The following TUSC3 variants were observed in gnomAD, a reference collection of about 807,000 sequenced individuals.
TUSC3 encodes dolichyl-diphosphooligosaccharide--protein glycosyltransferase subunit TUSC3.
TUSC3 carries 45 observed loss-of-function variants against 44.8 expected under a neutral mutation model. The ratio of observed to expected loss-of-function variants is 1.00; its 90% CI spans 0.79 to 1.29. TUSC3 has a LOEUF of 1.29. Among genes scored for constraint, TUSC3 ranks in the 50% most tolerant of loss-of-function variants. The pLI is 0.00. For synonymous variants in TUSC3, 212 were observed against 152.9 expected (o/e 1.39, Z -2.85); for missense variants, 519 against 437.9 (o/e 1.19, Z -1.65).
intron 1 of TUSC3, among the ~76,000 whole-genome samples, chr8:15,596,268 A>G (rs1383974849): frequency 6.6e-6 from 1 of 152,214 alleles, no homozygotes; most frequent in Non-Finnish European, 1.5e-5. Context: ...AAAGAAAAAT[A>G]TGCCATGTTT....
chr8:15,740,990 T>C (rs1811169156), intron 7 of TUSC3, among the ~76,000 whole-genome samples: 2 of 152,194 alleles, frequency 1.3e-5, no homozygotes, highest in Admixed American at 1.3e-4. Context: ...AACATGTTAC[T>C]CATAGTTTTC....
At chr8:15,636,778 C>T (rs71524157) in intron 2 of TUSC3, among the ~76,000 whole-genome samples, 49,891 of 152,066 alleles carry the variant, frequency 0.33, 9,010 homozygotes, top group Non-Finnish European at 0.39. Flanking sequence ...TAACTTATTT[C>T]AGTGCCTAAA....
At chr8:15,536,595 G>A (rs889248729), upstream of TUSC3, among the ~76,000 whole-genome samples, 3 of 145,310 alleles carry the variant, frequency 2.1e-5, no homozygotes, top group South Asian at 6.7e-4. Context: ...GGCAGGAGAA[G>A]AGCTTGAACC....
intron 6 of TUSC3, among the ~76,000 whole-genome samples, chr8:15,717,920 A>G (rs952478611): frequency 4.6e-5 from 7 of 152,028 alleles, no homozygotes; most frequent in Admixed American, 2.0e-4. Context: ...TGAAGATTCT[A>G]TTTTGCCTTG....
chr8:15,461,219 T>C (rs1800340163), intron 1 of TUSC3, among the ~76,000 whole-genome samples: 1 of 152,094 alleles, frequency 6.6e-6, no homozygotes, highest in Admixed American at 6.6e-5. Context: ...TTTTGTAGTT[T>C]TTCTTGTAGA....
At chr8:15,832,503 A>T in the TUSC3 span, among the ~76,000 whole-genome samples, 3 of 152,194 alleles carry the variant, frequency 2.0e-5, no homozygotes, top group Admixed American at 2.0e-4. Flanking sequence ...TGGATAAAGA[A>T]CTATGACCCA....
At chr8:15,553,291 C>T (rs953146597) in intron 1 of TUSC3, among the ~76,000 whole-genome samples, 2 of 151,692 alleles carry the variant, frequency 1.3e-5, no homozygotes, top group African/African-American at 4.8e-5. Context: ...CCAGCCAGAG[C>T]ACTTACAGTA....
chr8:15,506,850 G>T (rs1316159559), intron 2 of TUSC3, among the ~76,000 whole-genome samples: 1 of 152,160 alleles, frequency 6.6e-6, no homozygotes, highest in Non-Finnish European at 1.5e-5. Context: ...CCCCTTACCC[G>T]GAAGGAAGGA....
intron 1 of TUSC3, among the ~76,000 whole-genome samples, chr8:15,420,489 C>T (rs1799725176): frequency 6.6e-6 from 1 of 151,310 alleles, no homozygotes; most frequent in African/African-American, 2.4e-5. Flanking sequence ...CAGAGTGAGA[C>T]TCTGTCTCAT....
At chr8:15,584,770 C>A (rs758492564) in intron 1 of TUSC3, among the ~76,000 whole-genome samples, 1 of 151,932 alleles carries the variant, frequency 6.6e-6, no homozygotes, top group African/African-American at 2.4e-5. Context: ...TTGACACAGG[C>A]AATCTGAAAG....
chr8:15,713,974 G>T (rs959822497), intron 6 of TUSC3, among the ~76,000 whole-genome samples: 1 of 152,128 alleles, frequency 6.6e-6, no homozygotes, highest in Non-Finnish European at 1.5e-5. Flanking sequence ...AATACCACTT[G>T]CTTGTTAATG....
At chr8:15,447,400 A>C (rs1800120890) in intron 1 of TUSC3, among the ~76,000 whole-genome samples, 1 of 152,186 alleles carries the variant, frequency 6.6e-6, no homozygotes, top group Non-Finnish European at 1.5e-5. Flanking sequence ...GGAAGATGTG[A>C]CATTAATGGA....
At chr8:15,463,938 C>A (rs1380127919) in intron 1 of TUSC3, among the ~76,000 whole-genome samples, 2 of 152,180 alleles carry the variant, frequency 1.3e-5, no homozygotes, top group Non-Finnish European at 1.5e-5. Context: ...TGCGCTTGCA[C>A]ATTTCTTTAG....
At chr8:15,747,525 G>A (rs945307566) in intron 8 of TUSC3, among the ~76,000 whole-genome samples, 2 of 151,940 alleles carry the variant, frequency 1.3e-5, no homozygotes, top group Non-Finnish European at 2.9e-5. Context: ...TTATAAGCAT[G>A]TTTAGATTGT....
intron 1 of TUSC3, among the ~76,000 whole-genome samples, chr8:15,544,673 A>G (rs2129134079): frequency 1.3e-5 from 2 of 151,970 alleles, no homozygotes; most frequent in East Asian, 1.9e-4. Flanking sequence ...GCAAATGATA[A>G]AAGGGGAGAG....
At chr8:15,805,993 A>G in the TUSC3 span, among the ~76,000 whole-genome samples, 2 of 152,346 alleles carry the variant, frequency 1.3e-5, no homozygotes, top group African/African-American at 2.4e-5. Context: ...GTTATGAGCC[A>G]GAAGTTGTAC....
chr8:15,717,975 G>A (rs1187030048), intron 6 of TUSC3, among the ~76,000 whole-genome samples: 1 of 151,942 alleles, frequency 6.6e-6, no homozygotes, highest in Non-Finnish European at 1.5e-5. Context: ...TTCCTTTTGA[G>A]CCAAGACACT....
the TUSC3 span, among the ~76,000 whole-genome samples, chr8:15,792,144 A>ACACC: frequency 1.4e-5 from 2 of 140,366 alleles, no homozygotes; most frequent in African/African-American, 5.3e-5. Context: ...ACACACACAC[A>ACACC]CCCTCTACCC....
At chr8:15,565,159 G>A (rs1300345504) in intron 1 of TUSC3, among the ~76,000 whole-genome samples, 1 of 148,460 alleles carries the variant, frequency 6.7e-6, no homozygotes, top group Non-Finnish European at 1.5e-5. Flanking sequence ...GAAGCGTTGA[G>A]GGGAGCCTTT....
Sources: allele counts gnomAD v4.1 joint callset (sites outside exome capture counted in the v4.1 genomes callset), GRCh38; gene constraint gnomAD v4.1.1; transcripts MANE v1.5; gene names NCBI Gene and HGNC (gene_info 2026-07-23, HGNC 2026-07-21).